CCDC77: variants seen among roughly 807,000 people sequenced by gnomAD.
The protein encoded by CCDC77 is coiled-coil domain-containing protein 77.
CCDC77 carries 56 observed loss-of-function variants against 66.8 expected under a neutral mutation model. The observed-to-expected ratio is 0.84, with a 90% CI of 0.68 to 1.05. The LOEUF (loss-of-function observed/expected upper bound fraction) is 1.05, where lower values mean the gene tolerates loss of function less well. CCDC77 is among the 50% of genes least tolerant of loss of function. CCDC77 has a pLI of 0.00. For missense variants in CCDC77, 570 were observed against 576.8 expected, an observed-to-expected ratio of 0.99 and a Z score of 0.12; for synonymous variants, 196 against 195.2, an observed-to-expected ratio of 1.00 and a Z score of -0.03.
At chr12:416,377 G>GTATATATATATATATATATATA (rs1167006549) in intron 4 of CCDC77, among the ~76,000 whole-genome samples, 1 of 20,592 alleles carries the variant, frequency 4.9e-5, no homozygotes, top group African/African-American at 1.5e-4. Context: ...GTGTGTGTGT[G>GTATATATATATATATATATATA]TATATATATA....
In CCDC77 at chr12:423,477, G is replaced by GTTTT. The variant is rs1565572179; in HGVS notation, c.413+4842_413+4843insTTTT. Among the ~76,000 whole-genome samples the GTTTT allele has an allele frequency of 1.4e-3, 34 of 24,978 alleles. 2 individuals carry two copies. The highest frequency in any genetic ancestry group is 1.8e-3 in the Non-Finnish European group (17 of 9,526). 16.4% of individuals were successfully genotyped at this position (24,978 alleles called of 152,430 possible). On this transcript the variant is annotated intron_variant, in intron 5 of 12. Transcript: ENST00000239830. ...TTTCTGGGTGTTTTTTGTGTTTTTT[G>GTTTT]TGTTTTTTTTTGTTTTGTTTTTTTT...
intron 4 of CCDC77, among the ~76,000 whole-genome samples, chr12:414,315 C>T (rs1369842575): frequency 1.3e-5 from 2 of 152,106 alleles, no homozygotes; most frequent in African/African-American, 4.8e-5. Context: ...TCATCTCAAA[C>T]TCCTGACCTT....
intron 1 of CCDC77, among the ~76,000 whole-genome samples, chr12:404,057 G>A (rs1375408048): frequency 1.3e-5 from 2 of 152,186 alleles, no homozygotes; most frequent in Admixed American, 1.3e-4. Flanking sequence ...AGTGGCTCAC[G>A]CCTGTAATCC....
At position 423,470 on chromosome 12, in the gene CCDC77, G is replaced by GTTTTTT. The variant is rs1307027692; in HGVS notation, c.413+4835_413+4840dup. 4.8e-3 allele frequency among the ~76,000 whole-genome samples: 214 copies of GTTTTTT among 44,838 alleles called. 20 individuals carry two copies. Among genetic ancestry groups the GTTTTTT allele is most frequent in the East Asian group, 0.01 (9 of 878 alleles). 29.4% of individuals were successfully genotyped at this position (44,838 alleles called of 152,430 possible). ...TTGTTATTTTCTGGGTGTTTTTTGT[G>GTTTTTT]TTTTTTGTGTTTTTTTTTGTTTTGT... On this transcript the variant is annotated intron_variant, in intron 5 of 12. Coordinates refer to ENST00000239830, the MANE Select transcript of CCDC77 (RefSeq NM_032358.4).
At chr12:389,448 G>T (rs1299242966) in exon 1 of CCDC77, 4 of 457,256 alleles carry the variant, frequency 8.7e-6, no homozygotes, top group Non-Finnish European at 1.6e-5. Flanking sequence ...GCCCGCCAAA[G>T]TTCTGCCCAG....
intron 2 of CCDC77, among the ~76,000 whole-genome samples, chr12:406,584 G>A (rs1944995123): frequency 6.6e-6 from 1 of 152,214 alleles, no homozygotes; most frequent in Non-Finnish European, 1.5e-5. Flanking sequence ...CTTTTGGGCA[G>A]AGGAGTTTTG....
At chr12:419,185 T>C (rs61919599) in intron 5 of CCDC77, among the ~76,000 whole-genome samples, 3,147 of 152,294 alleles carry the variant, frequency 0.021, 64 homozygotes, top group Non-Finnish European at 0.035. Context: ...AACAGAAGCC[T>C]TAACCAACCC....
chr12:399,560 C>A (rs972096837), upstream of CCDC77, among the ~76,000 whole-genome samples: 1 of 152,208 alleles, frequency 6.6e-6, no homozygotes, highest in Admixed American at 6.5e-5. Flanking sequence ...AGCATGAAAG[C>A]AACATTCATC....
chr12:433,260 C>T lies in CCDC77; in HGVS notation c.759C>T (p.His253=). The change falls in exon 9 of 13, where the codon CAC becomes CAT. Residue 253 remains histidine (H), a synonymous_variant. Coordinates refer to ENST00000239830, the MANE Select transcript of CCDC77 (RefSeq NM_032358.4). ...IEGLIEDRRI[H]LEEIQVQHQR... ...GGCTCATCGAGGACAGACGGATTCA[C>T]CTTGAGGAAATACAAGTTCAGCACC... The T allele has an allele frequency of 6.2e-7, 1 of 1,613,826 alleles. No homozygotes were observed. Among genetic ancestry groups the T allele is most frequent in the Non-Finnish European group, 8.5e-7 (1 of 1,179,974 alleles).
At chr12:431,260 C>A (rs544027170) in intron 7 of CCDC77, among the ~76,000 whole-genome samples, 24 of 148,030 alleles carry the variant, frequency 1.6e-4, no homozygotes, top group African/African-American at 6.0e-4. Flanking sequence ...CTCCTGTTGC[C>A]CAGGCTGGAG....
chr12:440,764 G>A (rs1327960032), intron 11 of CCDC77, 22 bp downstream of exon 11: 1 of 1,613,708 alleles, frequency 6.2e-7, no homozygotes, highest in Non-Finnish European at 8.5e-7. Context: ...TCTGCCACTT[G>A]TAATGGAATA....
At chr12:412,253 C>T (rs769143858) in intron 4 of CCDC77, among the ~76,000 whole-genome samples, 12 of 152,142 alleles carry the variant, frequency 7.9e-5, no homozygotes, top group Non-Finnish European at 1.5e-4. Context: ...TTGTTACCTC[C>T]ATAGCTTCCT....
chr12:438,511 C>CCGTT lies in CCDC77; in HGVS notation c.999_1002dup (p.Met335ArgfsTer4). ...GAAGATAAAATTGGAAAAGTGTTGC[C>CCGTT]CGTTATGCATGAGAGTCACCATGCT... On this transcript the variant is annotated frameshift_variant, in exon 10 of 13. Transcript: ENST00000239830. LOFTEE classifies it high-confidence loss of function. 1 of 1,613,784 alleles carries CCGTT rather than the reference C, an allele frequency of 6.2e-7. No individual in the cohort carries two copies. Among genetic ancestry groups the CCGTT allele is most frequent in the Non-Finnish European group, 8.5e-7 (1 of 1,179,830 alleles).
chr12:392,351 T>G (rs1944767238), intron 1 of CCDC77, among the ~76,000 whole-genome samples: 1 of 152,182 alleles, frequency 6.6e-6, no homozygotes, highest in Non-Finnish European at 1.5e-5. Flanking sequence ...GAGGGAAAAG[T>G]CAAAATTACT....
chr12:441,717 G>A (rs910336489), intron 12 of CCDC77, 57 bp from the exon 13 acceptor site: 20 of 1,559,078 alleles, frequency 1.3e-5, no homozygotes, highest in Middle Eastern at 1.7e-4. Flanking sequence ...GACTGATATC[G>A]CTCCCCTGGC....
At chr12:392,088 T>C (rs898770727) in intron 1 of CCDC77, among the ~76,000 whole-genome samples, 4 of 152,210 alleles carry the variant, frequency 2.6e-5, no homozygotes, top group African/African-American at 9.6e-5. Context: ...AGTATTTGGG[T>C]TTCTGGTCAG....
intron 5 of CCDC77, among the ~76,000 whole-genome samples, chr12:422,475 G>C (rs184019648): frequency 6.6e-6 from 1 of 152,110 alleles, no homozygotes; most frequent in African/African-American, 2.4e-5. Flanking sequence ...GCTACTTTTC[G>C]TCTCCATGAA....
At chr12:408,853 G>A (rs1945047961) in intron 2 of CCDC77, among the ~76,000 whole-genome samples, 1 of 152,170 alleles carries the variant, frequency 6.6e-6, no homozygotes, top group African/African-American at 2.4e-5. Context: ...TAATTATGAG[G>A]AGTACCTTTT....
Position 411,763 on chromosome 12 carries a change from A to T in CCDC77, c.55A>T (p.Lys19Ter), listed in dbSNP as rs929495998. Reference protein sequence around the residue: ...PVCRKRTVVSKRGVAVSGPTK... With the variant: ...PVCRKRTVVS ...TTCACGTAGGCGAACAGTTGTCTCC[A>T]AACGTGGTGTTGCCGTCAGTGGTCC... The change falls in exon 4 of 13, where the codon AAA (lysine) becomes TAA (stop). Residue 19 changes from lysine to a stop codon, truncating the protein, a stop_gained. Coordinates refer to ENST00000239830, the MANE Select transcript of CCDC77 (RefSeq NM_032358.4). LOFTEE classifies it high-confidence loss of function. The T allele has an allele frequency of 6.2e-7, 1 of 1,613,634 alleles. No homozygotes were observed. Among genetic ancestry groups the T allele is most frequent in the Non-Finnish European group, 8.5e-7 (1 of 1,179,794 alleles).
Sources: gnomAD v4.1 joint callset for allele counts (sites outside exome capture counted in the v4.1 genomes callset) on GRCh38, gnomAD v4.1.1 for gene constraint, MANE v1.5 for transcripts, NCBI Gene and HGNC (gene_info 2026-07-23, HGNC 2026-07-21) for gene names.